FAT3: variants seen among roughly 807,000 people sequenced by gnomAD.
FAT3 encodes protocadherin Fat 3.
FAT3 carries 95 observed loss-of-function variants against 310.2 expected under a neutral mutation model. That is an observed-to-expected ratio of 0.31 (90% confidence interval 0.26 to 0.36). The LOEUF (loss-of-function observed/expected upper bound fraction) is 0.36. Ranked by LOEUF, FAT3 falls within the 10% of genes least tolerant of loss-of-function variation. The pLI, the probability that FAT3 is intolerant of heterozygous loss-of-function variation, is 1.00. For synonymous variants in FAT3, 2,314 were observed against 2,192.9 expected (o/e 1.06, Z -1.54); for missense variants, 5,408 against 5,715.6 (o/e 0.95, Z 1.74).
At chr11:92,593,897 G>A (rs1421501001) in intron 3 of FAT3, among the ~76,000 whole-genome samples, 1 of 152,172 alleles carries the variant, frequency 6.6e-6, no homozygotes, top group East Asian at 1.9e-4. Context: ...CGTTATTTCA[G>A]TCACATATGT....
chr11:92,234,985 C>T (rs1049294057), intron 1 of FAT3, among the ~76,000 whole-genome samples: 2 of 151,568 alleles, frequency 1.3e-5, no homozygotes, highest in African/African-American at 2.4e-5. Context: ...GCAGGAGAAT[C>T]GCTTCAACCT....
At chr11:92,432,395 G>T (rs2135032296) in intron 2 of FAT3, among the ~76,000 whole-genome samples, 1 of 152,308 alleles carries the variant, frequency 6.6e-6, no homozygotes, top group East Asian at 1.9e-4. Context: ...ATTTTGTGCT[G>T]AGACGATGGA....
At chr11:92,268,942 C>T (rs975932055) in intron 1 of FAT3, among the ~76,000 whole-genome samples, 1 of 152,018 alleles carries the variant, frequency 6.6e-6, no homozygotes, top group Admixed American at 6.6e-5. Context: ...TTTTCCATTT[C>T]AGCCTTTTAC....
intron 9 of FAT3, among the ~76,000 whole-genome samples, chr11:92,796,195 A>G (rs1430845344): frequency 2.0e-5 from 3 of 152,204 alleles, no homozygotes; most frequent in Non-Finnish European, 4.4e-5. Flanking sequence ...ATTCACACTC[A>G]ATTCTATGAC....
At chr11:92,367,218 G>C (rs541328817) in intron 2 of FAT3, 9 of 312,012 alleles carry the variant, frequency 2.9e-5, no homozygotes, top group Non-Finnish European at 4.5e-5. Flanking sequence ...TGCTCTCTCT[G>C]TGGTGGATCA....
Position 92,427,288 on chromosome 11 carries a change from T to A in FAT3, c.3292+71884T>A, listed in dbSNP as rs1393874971. On this transcript the variant is annotated intron_variant, in intron 2 of 27. Transcript: ENST00000525166. ...AGTTTTTGGGCTAAGACGATGGAGT[T>A]TTCTAAATATACAATCCTGTCATCT... 7.2e-5 allele frequency among the ~76,000 whole-genome samples: 11 copies of A among 152,314 alleles called. No homozygotes were observed. The South Asian group carries it at 1.9e-3, about 26-fold the overall frequency.
At chr11:92,464,512 T>C (rs1405641520) in intron 2 of FAT3, among the ~76,000 whole-genome samples, 2 of 152,216 alleles carry the variant, frequency 1.3e-5, no homozygotes, top group Non-Finnish European at 2.9e-5. Flanking sequence ...TTCTTCAGCC[T>C]GAGGGAAGCT....
At chr11:92,862,184 T>A (rs1449903492) in intron 21 of FAT3, among the ~76,000 whole-genome samples, 1 of 152,120 alleles carries the variant, frequency 6.6e-6, no homozygotes, top group East Asian at 1.9e-4. Context: ...TATGAGAAAG[T>A]CTAGACCGAG....
intron 3 of FAT3, among the ~76,000 whole-genome samples, chr11:92,585,710 C>G (rs1345030991): frequency 6.6e-6 from 1 of 151,986 alleles, no homozygotes; most frequent in African/African-American, 2.4e-5. Flanking sequence ...TTTCAGGATT[C>G]AAACTCAGCA....
chr11:92,605,822 T>C (rs751357507), intron 3 of FAT3, among the ~76,000 whole-genome samples: 8 of 143,240 alleles, frequency 5.6e-5, no homozygotes, highest in Non-Finnish European at 9.0e-5. Context: ...CTGCCAAAAA[T>C]GTTCCCAGTC....
intron 1 of FAT3, among the ~76,000 whole-genome samples, chr11:92,275,956 T>TTATGTTTGTGATACATATAAAA (rs1554997022): frequency 6.6e-6 from 1 of 150,872 alleles, no homozygotes; most frequent in African/African-American, 2.4e-5. Flanking sequence ...TTGATCACGT[T>TTATGTTTGTGATACATATAAAA]TATGTGTGTG....
rs560811014 is a variant in FAT3 at position 92,827,371 on chromosome 11, C to A, written c.9482-4251C>A. Among the ~76,000 whole-genome samples, 10 of 152,254 alleles carry A rather than the reference C, an allele frequency of 6.6e-5. No homozygotes were observed. In the East Asian group the frequency reaches 1.9e-3, roughly 29 times the overall value. The stretch of plus-strand genomic sequence containing the variant: ...CATCCACTGGAAATAGAAATGAAAC[C>A]AACTCCCTTTATTTAACTTGGAAAG... On this transcript the variant is annotated intron_variant, in intron 13 of 27. Coordinates refer to ENST00000525166, the MANE Select transcript of FAT3 (RefSeq NM_001367949.2).
At chr11:92,603,050 G>A (rs905317608) in intron 3 of FAT3, among the ~76,000 whole-genome samples, 2 of 152,202 alleles carry the variant, frequency 1.3e-5, no homozygotes, top group Admixed American at 6.5e-5. Context: ...GTGAGATAGG[G>A]TGATAAATCA....
intron 3 of FAT3, among the ~76,000 whole-genome samples, chr11:92,632,411 C>T (rs1941589105): frequency 6.6e-6 from 1 of 152,158 alleles, no homozygotes; most frequent in African/African-American, 2.4e-5. Context: ...GGCAAAATGG[C>T]CGAGAGGCAG....
intron 2 of FAT3, among the ~76,000 whole-genome samples, chr11:92,519,997 G>C (rs1431480804): frequency 1.3e-5 from 2 of 152,032 alleles, no homozygotes; most frequent in African/African-American, 2.4e-5. Context: ...TATTATTCAA[G>C]AGTAATGGAA....
At chr11:92,252,854 T>C (rs4536170) in intron 1 of FAT3, among the ~76,000 whole-genome samples, 45,725 of 151,932 alleles carry the variant, frequency 0.3, 8,096 homozygotes, top group African/African-American at 0.49. Flanking sequence ...AGCAATATGA[T>C]TAATTATTTC....
chr11:92,635,265 C>G (rs1177390755), intron 3 of FAT3, among the ~76,000 whole-genome samples: 1 of 152,074 alleles, frequency 6.6e-6, no homozygotes, highest in South Asian at 2.1e-4. Flanking sequence ...CTCTGACCTA[C>G]TCTCCTACAG....
chr11:92,600,409 A>G (rs975114886), intron 3 of FAT3, among the ~76,000 whole-genome samples: 3 of 152,202 alleles, frequency 2.0e-5, no homozygotes, highest in African/African-American at 4.8e-5. Context: ...CGTTTCTACA[A>G]ATGAAAAAGG....
chr11:92,840,618 C>A lies in FAT3; in HGVS notation c.10425C>A (p.Ser3475=). 1.2e-6 allele frequency: 2 copies of A among 1,611,540 alleles called. No homozygotes were observed. Among genetic ancestry groups the A allele is most frequent in the Non-Finnish European group, 1.7e-6 (2 of 1,177,842 alleles). The stretch of plus-strand genomic sequence containing the variant: ...AGCTGGTGGTGACAGACAGAGACTC[C>A]TTTCACAATGGGCCTCCCTTTTCAT... ...ILQLVVTDRD[S]FHNGPPFSFS... The change falls in exon 18 of 28, where the codon TCC becomes TCA. Residue 3475 remains serine (S), a synonymous_variant. Coordinates refer to ENST00000525166, the MANE Select transcript of FAT3 (RefSeq NM_001367949.2).
Sources: allele counts gnomAD v4.1 joint callset (sites outside exome capture counted in the v4.1 genomes callset), GRCh38; gene constraint gnomAD v4.1.1; transcripts MANE v1.5; gene names NCBI Gene and HGNC (gene_info 2026-07-23, HGNC 2026-07-21).